PIK3CB: variants seen among roughly 807,000 people sequenced by gnomAD.
PIK3CB encodes the protein phosphatidylinositol 4,5-bisphosphate 3-kinase catalytic subunit beta isoform.
In PIK3CB, 39 loss-of-function variants were observed where a neutral mutation model predicts 136.8. That is an observed-to-expected ratio of 0.29 (90% CI 0.22 to 0.37). The LOEUF (loss-of-function observed/expected upper bound fraction) is 0.37. PIK3CB is among the 10% of genes least tolerant of loss of function. PIK3CB has a pLI of 1.00. For missense variants in PIK3CB, 868 were observed against 1,275.4 expected (o/e 0.68, Z 4.87); for synonymous variants, 428 against 436.6 (o/e 0.98, Z 0.25).
chr3:138,655,346 A>G lies in PIK3CB; in HGVS notation c.*43T>C. The G allele has an allele frequency of 1.2e-6, 2 of 1,601,482 alleles. No homozygotes were observed. The highest frequency in any genetic ancestry group is 2.7e-5 in the African/African-American group (2 of 74,628). On this transcript the variant is annotated 3_prime_UTR_variant, in exon 24 of 24. Coordinates refer to ENST00000674063, the MANE Select transcript of PIK3CB (RefSeq NM_006219.3). ...AATTTAGTGCAAGTGCAAAATGAAA[A>G]TGAAATGAAACCAACAAATACATTA...
chr3:138,775,372 T>C (rs1441271960), intron 2 of PIK3CB, among the ~76,000 whole-genome samples: 1 of 152,188 alleles, frequency 6.6e-6, no homozygotes, highest in Non-Finnish European at 1.5e-5. Context: ...ATGAGGTAAT[T>C]ACAAAACAAA....
chr3:138,756,548 TAATC>T (rs900283870), intron 3 of PIK3CB, among the ~76,000 whole-genome samples: 1 of 152,198 alleles, frequency 6.6e-6, no homozygotes, highest in Non-Finnish European at 1.5e-5. Flanking sequence ...AGAATGATCA[TAATC>T]AATCTCTCAA....
intron 2 of PIK3CB, among the ~76,000 whole-genome samples, chr3:138,790,259 G>A (rs1281420643): frequency 6.6e-6 from 1 of 151,928 alleles, no homozygotes; most frequent in Non-Finnish European, 1.5e-5. Flanking sequence ...TTCTGGAGAT[G>A]GACAGTGATG....
At chr3:138,830,366 A>G (rs1347275673) in intron 1 of PIK3CB, among the ~76,000 whole-genome samples, 2 of 151,866 alleles carry the variant, frequency 1.3e-5, no homozygotes, top group Non-Finnish European at 2.9e-5. Context: ...TCTGGCCAAT[A>G]TGGTGAAACC....
At chr3:138,701,805 A>G (rs2108540873) in intron 12 of PIK3CB, among the ~76,000 whole-genome samples, 1 of 151,114 alleles carries the variant, frequency 6.6e-6, no homozygotes, top group East Asian at 1.9e-4. Flanking sequence ...AAAAAAAGAA[A>G]AAGAAAAATC....
At chr3:138,681,288 T>A (rs589986) in intron 19 of PIK3CB, among the ~76,000 whole-genome samples, 3 of 151,858 alleles carry the variant, frequency 2.0e-5, no homozygotes, top group Non-Finnish European at 2.9e-5. Flanking sequence ...TCAAGTGATC[T>A]GCCCGCTTTG....
Position 138,694,903 on chromosome 3 carries a change from T to A in PIK3CB, c.1775A>T (p.Gln592Leu). The A allele has an allele frequency of 1.3e-6, 2 of 1,590,578 alleles. No homozygotes were observed. The highest frequency in any genetic ancestry group is 2.7e-5 in the African/African-American group (2 of 73,464). The change falls in exon 14 of 24, where the codon CAG becomes CTG. Residue 592 changes from glutamine to leucine, a missense_variant. This residue lies in a region of PIK3CB where 612 missense variants were observed against 801.1 expected (regional missense o/e 0.76). Coordinates refer to ENST00000674063, the MANE Select transcript of PIK3CB (RefSeq NM_006219.3). Reference protein sequence around the residue: ...WNKLEDVAQLQALLQIWPKLP... With the variant: ...WNKLEDVAQLLALLQIWPKLP... ...TTTAGGCCAAATCTGAAGCAGCGCC[T>A]GAAGCTGTTTAAAAAATGAAACTGG...
chr3:138,765,551 T>C (rs988416939), intron 2 of PIK3CB, among the ~76,000 whole-genome samples: 2 of 151,468 alleles, frequency 1.3e-5, no homozygotes, highest in African/African-American at 2.4e-5. Context: ...CTCTTTAAAT[T>C]AAGAAAACTA....
chr3:138,833,275 T>G (rs1015271862), intron 1 of PIK3CB, among the ~76,000 whole-genome samples: 1 of 151,776 alleles, frequency 6.6e-6, no homozygotes, highest in African/African-American at 2.4e-5. Flanking sequence ...CCATGTTGCT[T>G]GGGCTGGTGT....
At chr3:138,751,278 G>A (rs1303652841) in intron 4 of PIK3CB, among the ~76,000 whole-genome samples, 2 of 152,034 alleles carry the variant, frequency 1.3e-5, no homozygotes, top group African/African-American at 2.4e-5. Flanking sequence ...CTAACACAGT[G>A]AAACCCCATC....
chr3:138,822,181 T>C (rs1933587791), intron 1 of PIK3CB, among the ~76,000 whole-genome samples: 1 of 151,724 alleles, frequency 6.6e-6, no homozygotes, highest in South Asian at 2.1e-4. Context: ...CCAGGAACTC[T>C]TGCTCAAAAT....
intron 1 of PIK3CB, among the ~76,000 whole-genome samples, chr3:138,833,627 C>A (rs1157692876): frequency 6.6e-6 from 1 of 152,194 alleles, no homozygotes; most frequent in Non-Finnish European, 1.5e-5. Context: ...ATTATCATGA[C>A]TTCACCAGAC....
Position 138,755,747 on chromosome 3 carries a change from A to T in PIK3CB, c.397+7T>A, listed in dbSNP as rs746209531. ...AATTTGTACTTTTTTTTTATTTTTT[A>T]ATTTACCTTTTCCTATAAGGACTCC... On this transcript the variant is annotated splice_region_variant and intron_variant, in intron 4 of 23. Transcript: ENST00000674063. 2.2e-6 allele frequency: 3 copies of T among 1,346,188 alleles called. No homozygotes were observed. In the Admixed American group the frequency reaches 5.6e-5, roughly 25 times the overall value. 83.4% of individuals were successfully genotyped at this position (1,346,188 alleles called of 1,614,324 possible).
chr3:138,774,216 A>C (rs1485092247), intron 2 of PIK3CB, among the ~76,000 whole-genome samples: 1 of 152,230 alleles, frequency 6.6e-6, no homozygotes, highest in Non-Finnish European at 1.5e-5. Flanking sequence ...AAGACAAAGA[A>C]CACTGCCAGC....
intron 1 of PIK3CB, among the ~76,000 whole-genome samples, chr3:138,811,121 G>C (rs915727776): frequency 2.0e-5 from 3 of 151,136 alleles, no homozygotes; most frequent in African/African-American, 7.3e-5. Flanking sequence ...CAGTTACTCA[G>C]GAGGCTGAGG....
At chr3:138,720,166 CT>C (rs2044697272) in intron 8 of PIK3CB, among the ~76,000 whole-genome samples, 1 of 152,152 alleles carries the variant, frequency 6.6e-6, no homozygotes, top group Admixed American at 6.6e-5. Context: ...GTTCCTTGAC[CT>C]AAATATCTCC....
intron 14 of PIK3CB, among the ~76,000 whole-genome samples, chr3:138,693,968 A>ATAT (rs1559819841): frequency 5.7e-3 from 334 of 58,950 alleles, no homozygotes; most frequent in Non-Finnish European, 6.9e-3. Context: ...TATATATATT[A>ATAT]TATATATATA....
chr3:138,815,368 A>AAAAAAAAAAAAAAAC (rs1553743726), intron 1 of PIK3CB, among the ~76,000 whole-genome samples: 1 of 105,910 alleles, frequency 9.4e-6, no homozygotes, highest in Non-Finnish European at 1.9e-5. Flanking sequence ...AAAAAAAAAA[A>AAAAAAAAAAAAAAAC]AAAAAAACTA....
rs60503033 is a variant in PIK3CB, at chr3:138,744,392, CAAAAAAA to C, written c.398-1618_398-1612del. Among the ~76,000 whole-genome samples, 69 of 45,106 alleles carry C rather than the reference CAAAAAAA, an allele frequency of 1.5e-3. 6 individuals carry two copies. Among genetic ancestry groups the C allele is most frequent in the East Asian group, 6.3e-3 (13 of 2,060 alleles). 29.6% of individuals were successfully genotyped at this position (45,106 alleles called of 152,430 possible). ...ACTGGGTGACAGAGCGAGACTCCCC[CAAAAAAA>C]AAAAAAAAAAAAAAAAAAAAAAAGG... On this transcript the variant is annotated intron_variant, in intron 4 of 23. Coordinates refer to ENST00000674063, the MANE Select transcript of PIK3CB (RefSeq NM_006219.3).
Sources: allele counts gnomAD v4.1 joint callset (sites outside exome capture counted in the v4.1 genomes callset), GRCh38; gene constraint gnomAD v4.1.1; regional missense constraint gnomAD v4.1.1; transcripts MANE v1.5; gene names NCBI Gene and HGNC (gene_info 2026-07-23, HGNC 2026-07-21).